The following NEK9 variants were observed in gnomAD, a reference collection of about 807,000 sequenced individuals.
NEK9 encodes NIMA related kinase 9.
In NEK9, 75 loss-of-function variants were observed where a neutral mutation model predicts 123.4. That is an observed-to-expected ratio of 0.61 (90% CI 0.50 to 0.74). The LOEUF (loss-of-function observed/expected upper bound fraction) is 0.74, where lower values mean the gene tolerates loss of function less well. Ranked by LOEUF, NEK9 falls within the 30% of genes least tolerant of loss-of-function variation. The probability of loss-of-function intolerance (pLI) is 0.00; values close to 1 mark genes in which losing one functional copy is unlikely to be tolerated. For missense variants in NEK9, 952 were observed against 1,214.4 expected, an observed-to-expected ratio of 0.78 and a Z score of 3.21; for synonymous variants, 438 against 458.7, an observed-to-expected ratio of 0.95 and a Z score of 0.58.
Position 75,084,592 on chromosome 14 carries a change from C to A in NEK9, c.2912G>T (p.Gly971Val), listed in dbSNP as rs773434682. The A allele has an allele frequency of 3.1e-6, 5 of 1,614,124 alleles. No individual in the cohort carries two copies. Among genetic ancestry groups the A allele is most frequent in the Non-Finnish European group, 4.2e-6 (5 of 1,180,008 alleles). ...DLDSDSWCLL[G>V]TDSCRPSL ...GAGGCTGGGTCTACAGGAGTCTGTT[C>A]CCAGGAGGCACCAGGAATCTGAATC... Residue 971 changes from glycine (G) to valine (V), a missense_variant, in exon 22 of 22, where the codon GGA becomes GTA. This residue lies in a region of NEK9 where 698 missense variants were observed against 875.6 expected (regional missense o/e 0.80). Transcript: ENST00000238616.
chr14:75,125,358 G>T (rs774268026), intron 1 of NEK9, among the ~76,000 whole-genome samples: 2 of 152,154 alleles, frequency 1.3e-5, no homozygotes, highest in African/African-American at 2.4e-5. Flanking sequence ...GAGTGCTTCT[G>T]AACTTTTGTA....
At chr14:75,119,908 A>G (rs911255260) in intron 4 of NEK9, among the ~76,000 whole-genome samples, 5 of 152,240 alleles carry the variant, frequency 3.3e-5, no homozygotes, top group African/African-American at 9.6e-5. Context: ...TTTAATAGCT[A>G]TCAAGAAATA....
rs777212377 is a variant in NEK9 at position 75,124,162 on chromosome 14, C to T, written c.281G>A (p.Arg94His). Reference protein sequence around the residue: ...DLTRLSEKERRDALNEIVILA... With the variant: ...DLTRLSEKERHDALNEIVILA... ...AATAACAATCTCATTCAAGGCATCA[C>T]GACGTTCCTTCTCAGACAGCCGGGT... is the stretch of plus-strand genomic sequence containing the variant. Residue 94 changes from arginine (R) to histidine (H), a missense_variant, in exon 2 of 22, where the codon CGT becomes CAT. Around this residue, in one of 4 missense-constraint regions of NEK9, gnomAD observed 106 missense variants for 153.0 expected, o/e 0.69. Coordinates refer to ENST00000238616, the MANE Select transcript of NEK9 (RefSeq NM_033116.6). 1.3e-5 allele frequency: 21 copies of T among 1,613,980 alleles called. No homozygotes were observed. In the Middle Eastern group the frequency reaches 1.3e-3, roughly 101 times the overall value.
intron 18 of NEK9, 26 bp from the exon 19 acceptor site, chr14:75,091,504 G>A (rs1594824563): frequency 6.6e-7 from 1 of 1,514,874 alleles, no homozygotes; most frequent in Non-Finnish European, 8.8e-7. Flanking sequence ...CACAGAAATA[G>A]ACAGCTTTGC....
chr14:75,105,417 G>A (rs968950040), intron 13 of NEK9, among the ~76,000 whole-genome samples: 2 of 152,198 alleles, frequency 1.3e-5, no homozygotes, highest in African/African-American at 4.8e-5. Context: ...GTAGGTGGGA[G>A]AGATGTGACT....
At position 75,101,814 on chromosome 14, in the gene NEK9, A is replaced by T. The variant is rs754867401; in HGVS notation, c.1732-49T>A. On this transcript the variant is annotated intron_variant, in intron 14 of 21. Transcript: ENST00000238616. ...CAGATGCATGAGGTAAGAAAATCGA[A>T]GGAAAATCAGGCTGAGAATGGAAAA... 14 of 1,355,152 alleles carry T rather than the reference A, an allele frequency of 1.0e-5. No homozygotes were observed. The Admixed American group carries it at 2.1e-4, about 20-fold the overall frequency. 83.9% of individuals were successfully genotyped at this position (1,355,152 alleles called of 1,614,324 possible).
chr14:75,127,139 C>A (rs570126623), upstream of NEK9: 261 of 478,200 alleles, frequency 5.5e-4, no homozygotes, highest in African/African-American at 5.0e-3. Context: ...GCTAGTCTAG[C>A]GGCCAAGGCT....
intron 16 of NEK9, among the ~76,000 whole-genome samples, chr14:75,097,865 C>T (rs1259920922): frequency 1.3e-5 from 2 of 152,030 alleles, no homozygotes; most frequent in African/African-American, 4.8e-5. Context: ...ATGTCAGCAG[C>T]ACAAACAAGG....
chr14:75,121,876 A>T (rs1332020730), intron 2 of NEK9, among the ~76,000 whole-genome samples: 1 of 152,218 alleles, frequency 6.6e-6, no homozygotes, highest in Non-Finnish European at 1.5e-5. Context: ...TCAGGAAAAA[A>T]AGAAAAAAAT....
intron 7 of NEK9, among the ~76,000 whole-genome samples, chr14:75,113,970 T>C (rs1363285633): frequency 6.6e-6 from 1 of 152,194 alleles, no homozygotes; most frequent in Admixed American, 6.5e-5. Context: ...ACAATTTAGA[T>C]GGGAAATTCA....
At position 75,087,029 on chromosome 14, in the gene NEK9, C is replaced by T; in HGVS notation, c.2806G>A (p.Gly936Arg). ...TTTAATGCTCTCACCTGCTGCCCTC[C>T]TTCTAATTTCTTGTTCAACTTCTGC... Reference protein sequence around the residue: ...QLQKLNKKLEGGQQVGMHSKG... With the variant: ...QLQKLNKKLERGQQVGMHSKG... Residue 936 changes from glycine (G) to arginine (R), a missense_variant, in exon 21 of 22, where the codon GGA (glycine) becomes AGA (arginine). Physicochemically the swap from Gly to Arg is moderately radical, Grantham distance 125. Coordinates refer to ENST00000238616, the MANE Select transcript of NEK9 (RefSeq NM_033116.6). 2 of 1,614,146 alleles carry T rather than the reference C, an allele frequency of 1.2e-6. No individual in the cohort carries two copies. The highest frequency in any genetic ancestry group is 1.7e-6 in the Non-Finnish European group (2 of 1,179,970).
rs533118323 is a variant in NEK9 at position 75,085,936 on chromosome 14, A to ATCC, written c.2817+1079_2817+1081dup. On this transcript the variant is annotated intron_variant, in intron 21 of 21. Transcript: ENST00000238616. ...CCTGGCGCAGTGGCTCACACCTGTA[A>ATCC]TCCTAGCACTCTGGGAGGCCGAGGC... is the stretch of plus-strand genomic sequence containing the variant. Among the ~76,000 whole-genome samples, 116 of 152,130 alleles carry ATCC rather than the reference A, an allele frequency of 7.6e-4. 1 individual carries two copies. Among genetic ancestry groups the ATCC allele is most frequent in the African/African-American group, 2.5e-3 (104 of 41,494 alleles).
intron 14 of NEK9, among the ~76,000 whole-genome samples, chr14:75,102,350 T>A (rs1433394744): frequency 6.6e-6 from 1 of 152,184 alleles, no homozygotes; most frequent in Non-Finnish European, 1.5e-5. Context: ...TTTGTTTTTT[T>A]ATTTTGTTTT....
intron 16 of NEK9, among the ~76,000 whole-genome samples, chr14:75,099,950 G>T (rs1894513045): frequency 6.7e-6 from 1 of 150,108 alleles, no homozygotes; most frequent in Non-Finnish European, 1.5e-5. Flanking sequence ...CTAACATGGT[G>T]AAACCCTGTC....
At chr14:75,123,332 CGGA>C (rs1895404526) in intron 2 of NEK9, among the ~76,000 whole-genome samples, 1 of 151,950 alleles carries the variant, frequency 6.6e-6, no homozygotes, top group Non-Finnish European at 1.5e-5. Context: ...ACCCAGGAGG[CGGA>C]GGTTGTGGTG....
upstream of NEK9, chr14:75,127,142 C>G: frequency 4.2e-6 from 2 of 476,222 alleles, no homozygotes; most frequent in Non-Finnish European, 7.4e-6. Flanking sequence ...AGTCTAGCGG[C>G]CAAGGCTTCC....
chr14:75,095,536 C>T (rs1894355197), intron 17 of NEK9, 105 bp from the exon 18 acceptor site: 1 of 651,688 alleles, frequency 1.5e-6, no homozygotes, highest in African/African-American at 1.8e-5. Flanking sequence ...CTCCAGATAA[C>T]TTTAGAACTA....
At chr14:75,127,190 T>C, upstream of NEK9, 1 of 417,528 alleles carries the variant, frequency 2.4e-6, no homozygotes. Flanking sequence ...GGCCTCGGGC[T>C]AGGGTTGGCG....
In NEK9 at chr14:75,121,127, C is replaced by T. The variant is rs1025710703; in HGVS notation, c.445G>A (p.Glu149Lys). 6.2e-7 allele frequency: 1 copy of T among 1,612,506 alleles called. No homozygotes were observed. Among genetic ancestry groups the T allele is most frequent in the Non-Finnish European group, 8.5e-7 (1 of 1,178,548 alleles). Residue 149 changes from glutamate (E) to lysine (K), a missense_variant, in exon 3 of 22, where the codon GAG becomes AAG. This residue lies in a region of NEK9 where 106 missense variants were observed against 153.0 expected (regional missense o/e 0.69). Transcript: ENST00000238616. ...KILRQKDKLF[E>K]EEMVVWYLFQ... is the part of the protein sequence containing the mutation. ...ACAGAAATATGAATTACCTCTTCCT[C>T]AAACAACTTGTCCTTCTGACGAAGG...
Sources: gnomAD v4.1 joint callset for allele counts (sites outside exome capture counted in the v4.1 genomes callset) on GRCh38, gnomAD v4.1.1 for gene constraint, gnomAD v4.1.1 regional missense constraint, MANE v1.5 for transcripts, NCBI Gene and HGNC (gene_info 2026-07-23, HGNC 2026-07-21) for gene names.